Variants in CDH18 observed in about 807,000 individuals in gnomAD.
The protein encoded by CDH18 is cadherin 18.
Under a neutral mutation model 67.9 loss-of-function variants are expected in CDH18, and 31 were observed. That is an observed-to-expected ratio of 0.46 (90% CI 0.34 to 0.62). The LOEUF (loss-of-function observed/expected upper bound fraction) is 0.62. Ranked by LOEUF, CDH18 falls within the 20% of genes least tolerant of loss-of-function variation. The pLI is 0.01. For missense variants in CDH18, 890 were observed against 975.5 expected (o/e 0.91, Z 1.17); for synonymous variants, 362 against 347.2 (o/e 1.04, Z -0.48).
intron 2 of CDH18, among the ~76,000 whole-genome samples, chr5:20,050,184 G>A (rs1252666941): frequency 6.6e-6 from 1 of 151,824 alleles, no homozygotes; most frequent in Non-Finnish European, 1.5e-5. Context: ...GGCAAATTGA[G>A]GGTTGAAGGG....
chr5:20,056,469 C>CTTTTTTTTTTTTTTTTTTTTTTTTTTTTT, intron 2 of CDH18, among the ~76,000 whole-genome samples: 1 of 16,984 alleles, frequency 5.9e-5, no homozygotes, highest in Non-Finnish European at 1.4e-4. Flanking sequence ...TCTTTATTTT[C>CTTTTTTTTTTTTTTTTTTTTTTTTTTTTT]TTTCTTTTGT....
chr5:19,865,212 T>A (rs1302122204), intron 2 of CDH18, among the ~76,000 whole-genome samples: 1 of 152,050 alleles, frequency 6.6e-6, no homozygotes, highest in Non-Finnish European at 1.5e-5. Flanking sequence ...TGTAAATAAA[T>A]GAGTTATTTG....
At chr5:20,484,311 C>A (rs1045223112) in intron 1 of CDH18, among the ~76,000 whole-genome samples, 6 of 151,922 alleles carry the variant, frequency 3.9e-5, no homozygotes, top group African/African-American at 1.4e-4. Context: ...AAAAGAGAAT[C>A]TTTGTACACT....
rs1739841447 is a variant in CDH18, at chr5:19,483,483, G to A, written c.1700C>T (p.Pro567Leu). ...GATTCCACCATCAGAGATCATAATG[G>A]GCAGATAATACACATCCTGAACAGT... Reference protein sequence around the residue: ...SRTVQDVYYLPIMISDGGIPS... With the variant: ...SRTVQDVYYLLIMISDGGIPS... Residue 567 changes from proline (P) to leucine (L), a missense_variant, in exon 12 of 13, where the codon CCC becomes CTC. By Grantham distance (98) the Pro-to-Leu change is moderately conservative. Transcript: ENST00000382275. 1 of 1,613,968 alleles carries A rather than the reference G, an allele frequency of 6.2e-7. No individual in the cohort carries two copies. The highest frequency in any genetic ancestry group is 1.3e-5 in the African/African-American group (1 of 74,978).
In CDH18 at chr5:20,101,755, C is replaced by A. The variant is rs551784669; in HGVS notation, c.-517-109741G>T. Among the ~76,000 whole-genome samples, 3 of 152,270 alleles carry A rather than the reference C, an allele frequency of 2.0e-5. No individual in the cohort carries two copies. The East Asian group carries it at 5.8e-4, about 29-fold the overall frequency. ...GATCAATAATAGACAATGCACCAAT[C>A]TGATAATAGAAAGGCTGTGTTAGAA... On this transcript the variant is annotated intron_variant, in intron 2 of 14. Transcript: ENST00000507958.
At chr5:20,521,792 G>A (rs1755757441) in intron 1 of CDH18, among the ~76,000 whole-genome samples, 1 of 148,788 alleles carries the variant, frequency 6.7e-6, no homozygotes, top group Non-Finnish European at 1.5e-5. Flanking sequence ...CCAAGCACAA[G>A]TTACACACAC....
At chr5:19,733,037 T>C (rs1000802011) in intron 4 of CDH18, among the ~76,000 whole-genome samples, 1 of 151,976 alleles carries the variant, frequency 6.6e-6, no homozygotes, top group Non-Finnish European at 1.5e-5. Context: ...CTAATATCGG[T>C]CATGATCCCT....
chr5:20,278,369 C>T (rs961491786), intron 1 of CDH18, among the ~76,000 whole-genome samples: 13 of 151,360 alleles, frequency 8.6e-5, no homozygotes, highest in South Asian at 6.2e-4. Flanking sequence ...AGATTTAAAG[C>T]GCTGAAGGAA....
intron 1 of CDH18, among the ~76,000 whole-genome samples, chr5:20,503,993 A>G (rs1754499885): frequency 6.6e-6 from 1 of 151,476 alleles, no homozygotes; most frequent in Non-Finnish European, 1.5e-5. Flanking sequence ...AGCCCAGATC[A>G]CGCCACTGCT....
Position 20,216,437 on chromosome 5 carries a change from A to T in CDH18, c.-518+39007T>A, listed in dbSNP as rs545271437. Among the ~76,000 whole-genome samples, 7 of 152,098 alleles carry T rather than the reference A, an allele frequency of 4.6e-5. No homozygotes were observed. In the South Asian group the frequency reaches 1.4e-3, roughly 31 times the overall value. On this transcript the variant is annotated intron_variant, in intron 2 of 14. Coordinates refer to the CDH18 transcript ENST00000507958. ...TACTGTTGCTTCCAAGGTAGTGGGA[A>T]CCTGTCTAAAAATTAATCTCCATAA...
intron 3 of CDH18, among the ~76,000 whole-genome samples, chr5:19,826,690 AT>A (rs1780439216): frequency 6.6e-6 from 1 of 152,194 alleles, no homozygotes; most frequent in Admixed American, 6.5e-5. Context: ...TGCTAAGAGA[AT>A]TTGTTACCAC....
intron 11 of CDH18, among the ~76,000 whole-genome samples, chr5:19,493,876 C>T (rs1236538418): frequency 1.3e-5 from 2 of 152,046 alleles, no homozygotes; most frequent in East Asian, 3.9e-4. Flanking sequence ...CTTATTGTAA[C>T]TTTTTGCCAA....
chr5:19,685,740 T>G (rs1182370027), intron 5 of CDH18, among the ~76,000 whole-genome samples: 1 of 152,178 alleles, frequency 6.6e-6, no homozygotes, highest in Non-Finnish European at 1.5e-5. Flanking sequence ...TTGGCTTTGG[T>G]GCTATTACAT....
chr5:19,971,664 G>C (rs116391129), intron 2 of CDH18, among the ~76,000 whole-genome samples: 3,678 of 151,966 alleles, frequency 0.024, 115 homozygotes, highest in African/African-American at 0.081. Context: ...GACACATAGA[G>C]GAGAACAACA....
chr5:20,226,214 T>C (rs569863061), intron 2 of CDH18, among the ~76,000 whole-genome samples: 1 of 152,218 alleles, frequency 6.6e-6, no homozygotes, highest in South Asian at 2.1e-4. Context: ...AAAAAAATCT[T>C]ACTCTTAAAA....
At chr5:19,635,317 T>C (rs747897166) in intron 5 of CDH18, among the ~76,000 whole-genome samples, 3 of 152,172 alleles carry the variant, frequency 2.0e-5, no homozygotes, top group Non-Finnish European at 4.4e-5. Flanking sequence ...CATAGATACA[T>C]CAGATATGCT....
intron 1 of CDH18, among the ~76,000 whole-genome samples, chr5:20,486,634 T>C (rs1753196529): frequency 6.9e-6 from 1 of 144,710 alleles, no homozygotes; most frequent in African/African-American, 2.5e-5. Context: ...TGAGGAAGAC[T>C]TCATTACATT....
chr5:19,821,408 A>C (rs1779863693), intron 3 of CDH18, among the ~76,000 whole-genome samples: 1 of 139,048 alleles, frequency 7.2e-6, no homozygotes, highest in Non-Finnish European at 1.6e-5. Flanking sequence ...ACAAAAAACA[A>C]AAAAAAAAAA....
chr5:19,834,448 T>C (rs1330491180), intron 3 of CDH18, among the ~76,000 whole-genome samples: 4 of 102,598 alleles, frequency 3.9e-5, no homozygotes, highest in Non-Finnish European at 6.7e-5. Context: ...AGTCCATTTA[T>C]TTTGTTAATT....
Sources: allele counts gnomAD v4.1 joint callset (sites outside exome capture counted in the v4.1 genomes callset), GRCh38; gene constraint gnomAD v4.1.1; transcripts MANE v1.5; gene names NCBI Gene and HGNC (gene_info 2026-07-23, HGNC 2026-07-21).